The following KDM1B variants were observed in gnomAD, a reference collection of about 807,000 sequenced individuals.
The protein encoded by KDM1B is lysine-specific histone demethylase 2.
KDM1B carries 63 observed loss-of-function variants against 107.4 expected under a neutral mutation model. The observed-to-expected ratio is 0.59, with a 90% CI of 0.48 to 0.72. The LOEUF is 0.72. KDM1B is among the 30% of genes least tolerant of loss of function. The pLI is 0.00. For missense variants in KDM1B, 749 were observed against 1,020.8 expected (o/e 0.73, Z 3.63); for synonymous variants, 363 against 363.9 (o/e 1.00, Z 0.03).
intron 7 of KDM1B, among the ~76,000 whole-genome samples, chr6:18,173,890 A>G (rs1487133307): frequency 6.6e-6 from 1 of 152,002 alleles, no homozygotes; most frequent in East Asian, 1.9e-4. Context: ...GGTTCAAGCG[A>G]TTCTCCTGCC....
Position 18,211,309 on chromosome 6 carries a change from C to A in KDM1B, c.1867-1179C>A, listed in dbSNP as rs1788835786. On this transcript the variant is annotated intron_variant, in intron 17 of 21. Coordinates refer to ENST00000650836, the MANE Select transcript of KDM1B (RefSeq NM_001364614.2). The surrounding 1 kb of genome is among the most constrained non-coding windows in gnomAD (Gnocchi z 5.2). The stretch of plus-strand genomic sequence containing the variant: ...GCTTGGTCTTCAACTCCATTCCACT[C>A]TGATCCTAGGGTGTCATCCTGTACT... Among the ~76,000 whole-genome samples, 1 of 152,296 alleles carries A rather than the reference C, an allele frequency of 6.6e-6. No individual in the cohort carries two copies.
chr6:18,199,742 A>G (rs1484414102), intron 12 of KDM1B, among the ~76,000 whole-genome samples: 1 of 151,518 alleles, frequency 6.6e-6, no homozygotes, highest in Non-Finnish European at 1.5e-5. Flanking sequence ...GGGAAGTTAA[A>G]GCTTATTTGC....
chr6:18,159,908 C>CG lies in KDM1B; in HGVS notation c.18dup (p.Arg7GlufsTer9). The CG allele has an allele frequency of 6.2e-7, 1 of 1,606,142 alleles. No individual in the cohort carries two copies. Among genetic ancestry groups the CG allele is most frequent in the Non-Finnish European group, 8.5e-7 (1 of 1,176,146 alleles). On this transcript the variant is annotated frameshift_variant, in exon 3 of 22. Coordinates refer to ENST00000650836, the MANE Select transcript of KDM1B (RefSeq NM_001364614.2). LOFTEE classifies it high-confidence loss of function. The surrounding 1 kb of genome is among the most constrained non-coding windows in gnomAD (Gnocchi z 4.5). ...ATTATTTAATGTAATGGCAACTCCA[C>CG]GGGGGAGGACAAAGAAAAAAGCATC...
At chr6:18,170,003 A>G (rs1785553780) in intron 6 of KDM1B, among the ~76,000 whole-genome samples, 1 of 151,970 alleles carries the variant, frequency 6.6e-6, no homozygotes, top group Non-Finnish European at 1.5e-5. Flanking sequence ...TCCACCTCCC[A>G]GTTCAAGCGA....
chr6:18,198,789 G>T (rs1787835673), intron 12 of KDM1B, among the ~76,000 whole-genome samples: 1 of 151,598 alleles, frequency 6.6e-6, no homozygotes, highest in Non-Finnish European at 1.5e-5. Context: ...GAAACCTACA[G>T]ATTATATTAC....
At chr6:18,216,846 A>G (rs1789271521) in intron 20 of KDM1B, among the ~76,000 whole-genome samples, 1 of 152,202 alleles carries the variant, frequency 6.6e-6, no homozygotes, top group Non-Finnish European at 1.5e-5. Context: ...ATGAAACTTT[A>G]TCATAGGTAT....
At chr6:18,221,161 G>A (rs78431240) in intron 21 of KDM1B, among the ~76,000 whole-genome samples, 1,691 of 152,136 alleles carry the variant, frequency 0.011, 28 homozygotes, top group African/African-American at 0.038. Flanking sequence ...GCCCCTGGAT[G>A]TTTTCCCTTC....
At chr6:18,220,391 A>G (rs1789596501) in intron 21 of KDM1B, among the ~76,000 whole-genome samples, 1 of 152,188 alleles carries the variant, frequency 6.6e-6, no homozygotes, top group Non-Finnish European at 1.5e-5. Flanking sequence ...ACTACTAAAA[A>G]TACAAAAATC....
In KDM1B at chr6:18,221,828, G is replaced by A. The variant is rs1380724874; in HGVS notation, c.2386-81G>A. 2.7e-6 allele frequency: 3 copies of A among 1,118,086 alleles called. No homozygotes were observed. In the South Asian group the frequency reaches 4.4e-5, roughly 17 times the overall value. 69.3% of individuals were successfully genotyped at this position (1,118,086 alleles called of 1,614,324 possible). ...TGGCACAAATCTTTATGTTAGACCA[G>A]ATAAAGTCTAACCTTGTTTTACCTT... On this transcript the variant is annotated intron_variant, in intron 21 of 21. Coordinates refer to ENST00000650836, the MANE Select transcript of KDM1B (RefSeq NM_001364614.2).
In KDM1B at chr6:18,197,101, G is replaced by C; in HGVS notation, c.1014G>C (p.Arg338=). The change falls in exon 11 of 22, where the codon CGG becomes CGC. Residue 338 remains arginine, a synonymous_variant. Coordinates refer to ENST00000650836, the MANE Select transcript of KDM1B (RefSeq NM_001364614.2). This position sits in a 1 kb window ranked among gnomAD's most constrained non-coding sequence, Gnocchi z 4.5. ...AATGTATTCCTCACATCATCGTCCG[G>C]GGTCTCGTGCGTATTCGATGCGTTC... ...PQKCIPHIIV[R]GLVRIRCVQE... 1 of 1,613,930 alleles carries C rather than the reference G, an allele frequency of 6.2e-7. No individual in the cohort carries two copies. Among genetic ancestry groups the C allele is most frequent in the Non-Finnish European group, 8.5e-7 (1 of 1,179,900 alleles).
At chr6:18,217,246 G>A (rs779003322) in intron 20 of KDM1B, among the ~76,000 whole-genome samples, 111 of 152,068 alleles carry the variant, frequency 7.3e-4, no homozygotes, top group Non-Finnish European at 8.4e-4. Context: ...CACAAATACC[G>A]GCTTGGGTAG....
rs373380702 is a variant in KDM1B at position 18,159,955 on chromosome 6, C to T, written c.60C>T (p.Ser20=). Residue 20 remains serine, a synonymous_variant, in exon 3 of 22, where the codon AGC becomes AGT. Coordinates refer to ENST00000650836, the MANE Select transcript of KDM1B (RefSeq NM_001364614.2). The surrounding 1 kb of genome is among the most constrained non-coding windows in gnomAD (Gnocchi z 4.5). ...CATCTTTTGATCATTCTCCGGATAG[C>T]CTTCCTTTGAGGAGCTCCGGTAGGC... ...KKASFDHSPD[S]LPLRSSGRQA... 3.7e-6 allele frequency: 6 copies of T among 1,608,308 alleles called. No homozygotes were observed. The African/African-American group carries it at 4.0e-5, about 11-fold the overall frequency.
At chr6:18,157,216 C>T (rs541561232) in intron 2 of KDM1B, among the ~76,000 whole-genome samples, 1 of 152,074 alleles carries the variant, frequency 6.6e-6, no homozygotes, top group East Asian at 1.9e-4. Flanking sequence ...ACCTAAGGAC[C>T]CAGCAAGTGG....
In KDM1B at chr6:18,205,023, G is replaced by T. The variant is rs1788280023; in HGVS notation, c.1532-514G>T. Among the ~76,000 whole-genome samples, 1 of 152,208 alleles carries T rather than the reference G, an allele frequency of 6.6e-6. No individual in the cohort carries two copies. The highest frequency in any genetic ancestry group is 1.5e-5 in the Non-Finnish European group (1 of 68,044). ...ATTGTAGATATGGAGGCGGAGTGCT[G>T]ACAAGATACAAGCCCATAATGGAAT... On this transcript the variant is annotated intron_variant, in intron 14 of 21. Transcript: ENST00000650836. This position sits in a 1 kb window ranked among gnomAD's most constrained non-coding sequence, Gnocchi z 5.7.
chr6:18,195,437 A>G (rs555415064), intron 10 of KDM1B, among the ~76,000 whole-genome samples: 6 of 152,314 alleles, frequency 3.9e-5, no homozygotes, highest in African/African-American at 1.4e-4. Context: ...TTTGAAATAC[A>G]TATATGTATG....
At chr6:18,169,829 C>T (rs1785540960) in intron 6 of KDM1B, among the ~76,000 whole-genome samples, 1 of 152,124 alleles carries the variant, frequency 6.6e-6, no homozygotes, top group Non-Finnish European at 1.5e-5. Flanking sequence ...AGTAGGGTGT[C>T]TAACTTCATT....
chr6:18,194,092 T>C (rs1459250529), intron 10 of KDM1B, among the ~76,000 whole-genome samples: 1 of 151,966 alleles, frequency 6.6e-6, no homozygotes, highest in Non-Finnish European at 1.5e-5. Context: ...GCCAGGCTGG[T>C]CTCTTAACTC....
rs925178981 is a variant in KDM1B at position 18,222,562 on chromosome 6, A to T, written c.*570A>T. The T allele has an allele frequency of 5.8e-6, 1 of 173,298 alleles. No homozygotes were observed. Among genetic ancestry groups the T allele is most frequent in the Non-Finnish European group, 1.2e-5 (1 of 81,096 alleles). The allele number at this position is 173,298 out of a possible 1,614,324, so 10.7% of individuals were successfully genotyped here. On this transcript the variant is annotated 3_prime_UTR_variant, in exon 22 of 22. Transcript: ENST00000650836. Reference sequence around the variant, plus strand: ...GAAGCTTCTAGGTATTTTGTATTGTACATATTTCCTCCTACTGGGTGTTCA... The same window carrying T: ...GAAGCTTCTAGGTATTTTGTATTGTTCATATTTCCTCCTACTGGGTGTTCA...
Position 18,158,108 on chromosome 6 carries a change from G to A in KDM1B, c.-13-1775G>A, listed in dbSNP as rs1784747479. 2.6e-5 allele frequency among the ~76,000 whole-genome samples: 4 copies of A among 151,958 alleles called. No homozygotes were observed. In the South Asian group the frequency reaches 8.3e-4, roughly 32 times the overall value. On this transcript the variant is annotated intron_variant, in intron 2 of 21. Coordinates refer to ENST00000650836, the MANE Select transcript of KDM1B (RefSeq NM_001364614.2). ...GATTACAGGCGTGAGCCACCGCGCT[G>A]GCCGGTGGATAGTACTTTGAACATC... is the stretch of plus-strand genomic sequence containing the variant.
Sources: gnomAD v4.1 joint callset for allele counts (sites outside exome capture counted in the v4.1 genomes callset) on GRCh38, gnomAD v4.1.1 for gene constraint, Gnocchi (gnomAD v3.1) non-coding constraint, MANE v1.5 for transcripts, NCBI Gene and HGNC (gene_info 2026-07-23, HGNC 2026-07-21) for gene names.